Variants in MBTD1 observed in about 807,000 individuals in gnomAD.
The protein encoded by MBTD1 is MBT domain-containing protein 1.
In MBTD1, 24 loss-of-function variants were observed where a neutral mutation model predicts 87.8. The observed-to-expected ratio is 0.27, with a 90% CI of 0.20 to 0.38. MBTD1 has a LOEUF of 0.38. Ranked by LOEUF, MBTD1 falls within the 10% of genes least tolerant of loss-of-function variation. The pLI is 1.00. For synonymous variants in MBTD1, 237 were observed against 248.6 expected (o/e 0.95, Z 0.44); for missense variants, 436 against 760.2 (o/e 0.57, Z 5.02).
At chr17:51,230,694 C>A (rs972482205) in intron 2 of MBTD1, among the ~76,000 whole-genome samples, 1 of 151,794 alleles carries the variant, frequency 6.6e-6, no homozygotes. Context: ...TTAGCACACT[C>A]GGAGGCCAGT....
chr17:51,245,694 G>T (rs1276497374), intron 2 of MBTD1, among the ~76,000 whole-genome samples: 1 of 151,758 alleles, frequency 6.6e-6, no homozygotes, highest in African/African-American at 2.4e-5. Context: ...TCCATTTCTG[G>T]ATTTCACACT....
chr17:51,209,407 C>T (rs1303391874), intron 6 of MBTD1: 1 of 471,200 alleles, frequency 2.1e-6, no homozygotes, highest in Non-Finnish European at 4.4e-6. Context: ...CTCGTGAGGG[C>T]TATCTGGGAG....
At chr17:51,211,090 T>C (rs2052172682) in intron 6 of MBTD1, among the ~76,000 whole-genome samples, 1 of 145,058 alleles carries the variant, frequency 6.9e-6, no homozygotes, top group African/African-American at 2.6e-5. Context: ...TGAGCCAAGA[T>C]GGTGCCATTA....
In MBTD1 at chr17:51,208,638, CTCTG is replaced by C. The variant is rs1241044612; in HGVS notation, c.487-1637_487-1634del. On this transcript the variant is annotated intron_variant, in intron 6 of 16. Transcript: ENST00000586178. ...AATGAATGCAGTGCAGCATCCATCC[CTCTG>C]TCTGGTTACCAAATCTGTGAATTGG... is the stretch of plus-strand genomic sequence containing the variant. Among the ~76,000 whole-genome samples, 16 of 152,144 alleles carry C rather than the reference CTCTG, an allele frequency of 1.1e-4. 1 individual carries two copies. The highest frequency in any genetic ancestry group is 1.0e-3 in the Admixed American group (16 of 15,270).
chr17:51,244,841 T>C (rs2054340915), intron 2 of MBTD1, among the ~76,000 whole-genome samples: 2 of 152,202 alleles, frequency 1.3e-5, no homozygotes, highest in Admixed American at 1.3e-4. Context: ...CAAGGAACTC[T>C]AGTCCTTATT....
At chr17:51,247,441 CTTTTTTTTT>C (rs58720477) in intron 2 of MBTD1, among the ~76,000 whole-genome samples, 21 of 132,006 alleles carry the variant, frequency 1.6e-4, no homozygotes, top group East Asian at 2.2e-4. Flanking sequence ...ATCAGTATTA[CTTTTTTTTT>C]TTTTTTTTTT....
intron 12 of MBTD1, among the ~76,000 whole-genome samples, chr17:51,200,864 TAAA>T (rs555894570): frequency 3.6e-5 from 5 of 138,226 alleles, no homozygotes; most frequent in African/African-American, 1.1e-4. Flanking sequence ...ACCATGTCTT[TAAA>T]AAAAAAAAAA....
intron 2 of MBTD1, among the ~76,000 whole-genome samples, chr17:51,240,132 T>A (rs1344971297): frequency 1.3e-5 from 2 of 152,322 alleles, no homozygotes; most frequent in South Asian, 4.1e-4. Context: ...CAAAAGTCTT[T>A]TTTTCTTAAA....
rs1463211095 is a variant in MBTD1 at position 51,203,863 on chromosome 17, T to C, written c.667A>G (p.Asn223Asp). The C allele has an allele frequency of 1.2e-5, 20 of 1,613,696 alleles. No homozygotes were observed. The highest frequency in any genetic ancestry group is 1.6e-5 in the Non-Finnish European group (19 of 1,179,804). The change falls in exon 8 of 17, where the codon AAT becomes GAT. Residue 223 changes from asparagine to aspartate, a missense_variant. Coordinates refer to ENST00000586178, the MANE Select transcript of MBTD1 (RefSeq NM_017643.3). Reference protein sequence around the residue: ...ENDSGLDFWCNICGSDIHPVG... With the variant: ...ENDSGLDFWCDICGSDIHPVG... ...GGATGGATATCAGAACCACATATAT[T>C]GCACCAGAAGTCCAGACCAGAGTCA...
chr17:51,205,558 C>G (rs925126432), intron 7 of MBTD1, among the ~76,000 whole-genome samples: 1 of 152,114 alleles, frequency 6.6e-6, no homozygotes, highest in African/African-American at 2.4e-5. Context: ...GGGGAATTGA[C>G]TTGGGTAGTA....
intron 2 of MBTD1, among the ~76,000 whole-genome samples, chr17:51,233,311 T>C (rs2053645853): frequency 6.6e-6 from 1 of 151,914 alleles, no homozygotes; most frequent in African/African-American, 2.4e-5. Flanking sequence ...GGCCTCTAAG[T>C]ATATGAAAGG....
chr17:51,196,508 C>T (rs1324978568), intron 12 of MBTD1, among the ~76,000 whole-genome samples: 1 of 151,958 alleles, frequency 6.6e-6, no homozygotes, highest in Non-Finnish European at 1.5e-5. Flanking sequence ...AAAACTAAGA[C>T]AAACTTCCCC....
intron 2 of MBTD1, chr17:51,250,113 C>G (rs1193001586): frequency 6.6e-6 from 1 of 151,528 alleles, no homozygotes; most frequent in Non-Finnish European, 1.5e-5. Context: ...CTATGTTGCC[C>G]AGGCTGGTCT....
At chr17:51,256,576 T>C (rs1598452635) in intron 2 of MBTD1, 1 of 152,186 alleles carries the variant, frequency 6.6e-6, no homozygotes, top group African/African-American at 2.4e-5. Flanking sequence ...TAATGATTAG[T>C]TATGCTTAGA....
chr17:51,202,207 T>C (rs1436899997), intron 10 of MBTD1, 130 bp from the exon 11 acceptor site: 22 of 642,332 alleles, frequency 3.4e-5, no homozygotes, highest in Non-Finnish European at 5.2e-5. Context: ...CCTTCTACAT[T>C]TGGGGTGAAT....
chr17:51,200,510 T>C (rs1017292328), intron 12 of MBTD1, among the ~76,000 whole-genome samples: 4 of 135,978 alleles, frequency 2.9e-5, no homozygotes, highest in African/African-American at 1.1e-4. Flanking sequence ...TGGTGAGCTA[T>C]GATCACGCCA....
chr17:51,236,020 T>C (rs897948786), intron 2 of MBTD1, among the ~76,000 whole-genome samples: 4 of 152,098 alleles, frequency 2.6e-5, no homozygotes, highest in African/African-American at 9.7e-5. Context: ...TCTCTCTATA[T>C]GTATGTCTAT....
intron 6 of MBTD1, among the ~76,000 whole-genome samples, chr17:51,207,661 A>C (rs1011073407): frequency 1.3e-5 from 2 of 152,182 alleles, no homozygotes; most frequent in African/African-American, 4.8e-5. Flanking sequence ...AGAACCGGTA[A>C]TCACTAGCCT....
intron 16 of MBTD1, chr17:51,185,280 G>A (rs929067042): frequency 9.9e-5 from 15 of 152,220 alleles, no homozygotes; most frequent in African/African-American, 3.6e-4. Context: ...GTATAACTTT[G>A]GCTTTGAAGC....
Sources: gnomAD v4.1 joint callset for allele counts (sites outside exome capture counted in the v4.1 genomes callset) on GRCh38, gnomAD v4.1.1 for gene constraint, MANE v1.5 for transcripts, NCBI Gene and HGNC (gene_info 2026-07-23, HGNC 2026-07-21) for gene names.